Variants in MSLN observed in about 807,000 individuals in gnomAD.
MSLN encodes mesothelin.
A neutral mutation model predicts 72.6 loss-of-function variants in MSLN; 82 were observed. The observed-to-expected ratio is 1.13, with a 90% CI of 0.94 to 1.36. The LOEUF is 1.36. Ranked by LOEUF, MSLN falls within the 40% of genes most tolerant of loss-of-function variation. The pLI, the probability that MSLN is intolerant of heterozygous loss-of-function variation, is 0.00. For synonymous variants in MSLN, 456 were observed against 387.3 expected, an observed-to-expected ratio of 1.18 and a Z score of -2.08; for missense variants, 1,005 against 847.9, an observed-to-expected ratio of 1.19 and a Z score of -2.30.
Position 765,216 on chromosome 16 carries a change from C to G in MSLN, c.617C>G (p.Pro206Arg). The G allele has an allele frequency of 6.3e-7, 1 of 1,587,990 alleles. No homozygotes were observed. Among genetic ancestry groups the G allele is most frequent in the Non-Finnish European group, 8.5e-7 (1 of 1,173,214 alleles). The stretch of plus-strand genomic sequence containing the variant: ...GCCGAGTCGGCCGAAGTGCTGCTAC[C>G]CCGGCTGGTGAGCTGCCCGGGACCC... ...FVAESAEVLL[P>R]RLVSCPGPLD... Residue 206 changes from proline to arginine, a missense_variant, in exon 9 of 18, where the codon CCC (proline) becomes CGC (arginine). Transcript: ENST00000545450.
chr16:765,117 G>C lies in MSLN; in HGVS notation c.518G>C (p.Arg173Pro). 6.2e-7 allele frequency: 1 copy of C among 1,604,522 alleles called. No homozygotes were observed. The highest frequency in any genetic ancestry group is 8.5e-7 in the Non-Finnish European group (1 of 1,177,762). Residue 173 changes from arginine (R) to proline (P), a missense_variant, in exon 9 of 18, where the codon CGG (arginine) becomes CCG (proline). Coordinates refer to ENST00000545450, the MANE Select transcript of MSLN (RefSeq NM_005823.6). ...LPAALACWGV[R>P]GSLLSEADVR... is the part of the protein sequence containing the mutation. ...AGGCCAGCCTCTCTGCAGGGTGTGC[G>C]GGGGTCTCTGCTGAGCGAGGCTGAT...
Position 766,085 on chromosome 16 carries a change from GC to G in MSLN, c.925del (p.Arg309AlafsTer3). 6.2e-7 allele frequency: 1 copy of G among 1,611,954 alleles called. No homozygotes were observed. Among genetic ancestry groups the G allele is most frequent in the Non-Finnish European group, 8.5e-7 (1 of 1,179,462 alleles). ...EKTACPSGKK[A>X]REIDESLIFY... is the part of the protein sequence containing the mutation. ...GACAGCCTGTCCTTCAGGCAAGAAGGCCCGCGAGATAGACGAGAGCCTCATC... is the reference window on the plus strand; with the variant it reads ...GACAGCCTGTCCTTCAGGCAAGAAGGCCGCGAGATAGACGAGAGCCTCATC... On this transcript the variant is annotated frameshift_variant, in exon 12 of 18. Coordinates refer to ENST00000545450, the MANE Select transcript of MSLN (RefSeq NM_005823.6). LOFTEE classifies it high-confidence loss of function.
intron 8 of MSLN, 34 bp from the exon 9 acceptor site, chr16:765,076 A>G: frequency 6.2e-7 from 1 of 1,607,274 alleles, no homozygotes; most frequent in East Asian, 2.2e-5. Flanking sequence ...AGGGCTCGGC[A>G]GTTCCAAAAG....
At chr16:765,379 T>C (rs7197402) in intron 9 of MSLN, 76 bp downstream of exon 9, 463,059 of 1,444,026 alleles carry the variant, frequency 0.32, 86,709 homozygotes, top group African/African-American at 0.8. Flanking sequence ...CTTGCGGCCA[T>C]GCCTCAAGGC....
chr16:766,357 A>G lies in MSLN; in HGVS notation c.1097A>G (p.Glu366Gly). Residue 366 changes from glutamate to glycine, a missense_variant, in exon 13 of 18, where the codon GAG becomes GGG. Glu to Gly is a moderately conservative substitution (Grantham distance 98, BLOSUM62 -2). Coordinates refer to ENST00000545450, the MANE Select transcript of MSLN (RefSeq NM_005823.6). ...LDELYPQGYP[E>G]SVIQHLGYLF... is the part of the protein sequence containing the mutation. Reference sequence around the variant, plus strand: ...CAGCTCTACCCACAAGGTTACCCCGAGTCTGTGATCCAGCACCTGGGCTAC... The same window carrying G: ...CAGCTCTACCCACAAGGTTACCCCGGGTCTGTGATCCAGCACCTGGGCTAC... 6.2e-7 allele frequency: 1 copy of G among 1,612,636 alleles called. No individual in the cohort carries two copies. The highest frequency in any genetic ancestry group is 2.2e-5 in the East Asian group (1 of 44,872).
In MSLN at chr16:764,024, C is replaced by T. The variant is rs573109957; in HGVS notation, c.181C>T (p.Leu61Phe). Reference protein sequence around the residue: ...VLANPPNISSLSPRQLLGFPC... With the variant: ...VLANPPNISSFSPRQLLGFPC... ...TGCCCAGCCCGACCCTTCCTGCAGC[C>T]TCTCCCCTCGCCAACTCCTTGGCTT... is the stretch of plus-strand genomic sequence containing the variant. Residue 61 changes from leucine (L) to phenylalanine (F), a missense_variant and splice_region_variant, in exon 6 of 18, where the codon CTC becomes TTC. Coordinates refer to ENST00000545450, the MANE Select transcript of MSLN (RefSeq NM_005823.6). The T allele has an allele frequency of 6.2e-7, 1 of 1,600,050 alleles. No individual in the cohort carries two copies. Among genetic ancestry groups the T allele is most frequent in the Admixed American group, 1.7e-5 (1 of 59,876 alleles).
intron 12 of MSLN, 39 bp downstream of exon 12, chr16:766,276 C>T (rs781717771): frequency 2.5e-6 from 4 of 1,609,820 alleles, no homozygotes; most frequent in Non-Finnish European, 2.5e-6. Flanking sequence ...CTGCTGTGTC[C>T]AAGCCATCCC....
Position 765,724 on chromosome 16 carries a change from C to A in MSLN, c.829C>A (p.Arg277=), listed in dbSNP as rs150537646. The part of the protein sequence containing the change: ...IVAAWRQRSS[R]DPSWRQPERT... ...GGCCGCGTGGCGGCAACGCTCCTCT[C>A]GGGACCCATCCTGGCGGCAGCCTGA... The change falls in exon 11 of 18, where the codon CGG becomes AGG. Residue 277 remains arginine, a synonymous_variant. Transcript: ENST00000545450. 6.2e-7 allele frequency: 1 copy of A among 1,601,004 alleles called. No homozygotes were observed. The highest frequency in any genetic ancestry group is 8.5e-7 in the Non-Finnish European group (1 of 1,179,628).
rs781761925 is a variant in MSLN at position 767,027 on chromosome 16, C to G, written c.1501+15C>G. 1.0e-6 allele frequency: 1 copy of G among 956,526 alleles called. No individual in the cohort carries two copies. Among genetic ancestry groups the G allele is most frequent in the Non-Finnish European group, 1.4e-6 (1 of 722,038 alleles). The allele number at this position is 956,526 out of a possible 1,614,324, so 59.3% of individuals were successfully genotyped here. ...GTCCTTCCTGGGTGAGCCAGGGAGT[C>G]CCTGGCCAGGGTGGGCAACACAACG... On this transcript the variant is annotated intron_variant, in intron 15 of 17. Coordinates refer to ENST00000545450, the MANE Select transcript of MSLN (RefSeq NM_005823.6).
chr16:765,833 C>T, intron 11 of MSLN, 43 bp downstream of exon 11: 1 of 1,558,846 alleles, frequency 6.4e-7, no homozygotes, highest in South Asian at 1.1e-5. Context: ...GGCTGGGCAG[C>T]ACCCCTGGGG....
Position 765,102 on chromosome 16 carries a change from C to T in MSLN, c.511-8C>T, listed in dbSNP as rs928184566. 2.5e-6 allele frequency: 4 copies of T among 1,605,342 alleles called. No individual in the cohort carries two copies. Among genetic ancestry groups the T allele is most frequent in the Non-Finnish European group, 2.5e-6 (3 of 1,177,252 alleles). On this transcript the variant is annotated splice_region_variant and splice_polypyrimidine_tract_variant and intron_variant, in intron 8 of 17. Transcript: ENST00000545450. ...GTTCCAAAAGCGCTGAGGCCAGCCT[C>T]TCTGCAGGGTGTGCGGGGGTCTCTG...
chr16:768,063 C>T (rs1407589700), intron 16 of MSLN, among the ~76,000 whole-genome samples: 1 of 76,586 alleles, frequency 1.3e-5, no homozygotes, highest in African/African-American at 5.6e-5. Context: ...GGAGGAGGGG[C>T]ACATGGAGGG....
In MSLN at chr16:768,308, G is replaced by C. The variant is rs576110781; in HGVS notation, c.1597-71G>C. The C allele has an allele frequency of 1.7e-4, 243 of 1,443,640 alleles. 4 individuals carry two copies. In the South Asian group the frequency reaches 3.5e-3, roughly 21 times the overall value. The allele number at this position is 1,443,640 out of a possible 1,614,324, so 89.4% of individuals were successfully genotyped here. A position where few individuals can be genotyped will look rare whatever the true frequency, so the allele number is the denominator to read the frequency against. On this transcript the variant is annotated intron_variant, in intron 16 of 17. Transcript: ENST00000545450. ...TGGGTGGGGCAGTTTGGACACAGGA[G>C]AGCCTGGCAGCCCTCTGGCGGCGCT... is the stretch of plus-strand genomic sequence containing the variant.
chr16:764,041 C>A lies in MSLN; in HGVS notation c.198C>A (p.Leu66=). ...CCTGCAGCCTCTCCCCTCGCCAACT[C>A]CTTGGCTTCCCGTGTGCGGAGGTGT... The part of the protein sequence containing the change: ...PNISSLSPRQ[L]LGFPCAEVSG... Residue 66 remains leucine, a synonymous_variant, in exon 6 of 18, where the codon CTC becomes CTA. Transcript: ENST00000545450. 1 of 1,603,272 alleles carries A rather than the reference C, an allele frequency of 6.2e-7. No individual in the cohort carries two copies. Among genetic ancestry groups the A allele is most frequent in the South Asian group, 1.1e-5 (1 of 90,968 alleles).
intron 2 of MSLN, 136 bp from the exon 3 acceptor site, chr16:762,536 G>C: frequency 1.4e-6 from 1 of 690,968 alleles, no homozygotes; most frequent in Non-Finnish European, 2.6e-6. Flanking sequence ...CAGGGCCAGG[G>C]TGCGGACACA....
At chr16:767,248 A>AC in intron 15 of MSLN, 128 bp from the exon 16 acceptor site, 2 of 1,122,002 alleles carry the variant, frequency 1.8e-6, no homozygotes, top group Admixed American at 1.9e-5. Flanking sequence ...GGCTAGGCAA[A>AC]CCCAGGCCCT....
At chr16:767,249 C>A in intron 15 of MSLN, 127 bp from the exon 16 acceptor site, 1 of 1,137,830 alleles carries the variant, frequency 8.8e-7, no homozygotes, top group Non-Finnish European at 1.3e-6. Context: ...GCTAGGCAAA[C>A]CCAGGCCCTG....
In MSLN at chr16:764,984, C is replaced by T. The variant is rs145553006; in HGVS notation, c.458C>T (p.Pro153Leu). 1.1e-5 allele frequency: 18 copies of T among 1,612,204 alleles called. No homozygotes were observed. In the East Asian group the frequency reaches 2.2e-4, roughly 20 times the overall value. The change falls in exon 8 of 18, where the codon CCG becomes CTG. Residue 153 changes from proline to leucine, a missense_variant. Coordinates refer to ENST00000545450, the MANE Select transcript of MSLN (RefSeq NM_005823.6). ...RITKANVDLLPRGAPERQRLL... is the reference protein window; with the variant it reads ...RITKANVDLLLRGAPERQRLL... ...ACGAAGGCCAATGTGGACCTGCTCC[C>T]GAGGGGGGCTCCCGAGCGACAGCGG... is the stretch of plus-strand genomic sequence containing the variant.
intron 2 of MSLN, among the ~76,000 whole-genome samples, chr16:762,335 G>T (rs1008563849): frequency 6.6e-6 from 1 of 152,230 alleles, no homozygotes; most frequent in Non-Finnish European, 1.5e-5. Flanking sequence ...GGAGACTCAG[G>T]CCAGCCCAAG....
Sources: allele counts gnomAD v4.1 joint callset (sites outside exome capture counted in the v4.1 genomes callset), GRCh38; gene constraint gnomAD v4.1.1; transcripts MANE v1.5; gene names NCBI Gene and HGNC (gene_info 2026-07-23, HGNC 2026-07-21).